The following CSMD1 variants were observed in gnomAD, a reference collection of about 807,000 sequenced individuals.
CSMD1 encodes CUB and Sushi multiple domains 1, also known as CUB and sushi domain-containing protein 1.
CSMD1 carries 213 observed loss-of-function variants against 417.5 expected under a neutral mutation model. The observed-to-expected ratio is 0.51, with a 90% CI of 0.46 to 0.57. The LOEUF is 0.57. Ranked by LOEUF, CSMD1 falls within the 20% of genes least tolerant of loss-of-function variation. CSMD1 has a pLI of 0.00. For synonymous variants in CSMD1, 2,862 were observed against 1,736.8 expected, an observed-to-expected ratio of 1.65 and a Z score of -16.11; for missense variants, 6,923 against 4,529.7, an observed-to-expected ratio of 1.53 and a Z score of -15.17.
intron 8 of CSMD1, among the ~76,000 whole-genome samples, chr8:3,598,625 A>T (rs1273526858): frequency 6.6e-6 from 1 of 152,106 alleles, no homozygotes; most frequent in Non-Finnish European, 1.5e-5. Flanking sequence ...AGAGCTCAGT[A>T]CAGTTCCTGA....
At chr8:3,850,894 G>T (rs1803860087) in intron 5 of CSMD1, among the ~76,000 whole-genome samples, 1 of 152,012 alleles carries the variant, frequency 6.6e-6, no homozygotes, top group African/African-American at 2.4e-5. Flanking sequence ...ATTATCACAG[G>T]AAACAGAGTT....
chr8:4,350,128 A>T (rs1318577036), intron 3 of CSMD1, among the ~76,000 whole-genome samples: 1 of 152,084 alleles, frequency 6.6e-6, no homozygotes, highest in Non-Finnish European at 1.5e-5. Context: ...TTCATCCCAA[A>T]CTTCAGTCCA....
At chr8:2,998,489 G>A (rs770441442) in intron 53 of CSMD1, among the ~76,000 whole-genome samples, 21 of 152,038 alleles carry the variant, frequency 1.4e-4, no homozygotes, top group Non-Finnish European at 8.8e-5. Flanking sequence ...ATTTAAAAAC[G>A]AAGCAGTGAA....
chr8:3,889,658 C>T (rs961468673), intron 5 of CSMD1, among the ~76,000 whole-genome samples: 2 of 151,072 alleles, frequency 1.3e-5, no homozygotes, highest in East Asian at 2.0e-4. Context: ...GAAGTTGGTC[C>T]TATCTACTGT....
chr8:3,245,294 C>T (rs947949577), intron 26 of CSMD1, among the ~76,000 whole-genome samples: 3 of 152,156 alleles, frequency 2.0e-5, no homozygotes, highest in African/African-American at 7.2e-5. Context: ...ACCTCCAGTT[C>T]CTTCCGGTAC....
chr8:4,938,685 G>A (rs1300051441), intron 1 of CSMD1, among the ~76,000 whole-genome samples: 1 of 152,124 alleles, frequency 6.6e-6, no homozygotes, highest in Non-Finnish European at 1.5e-5. Context: ...ATGATAATGG[G>A]GTGGAAAGAA....
chr8:4,766,918 C>G (rs934733363), intron 1 of CSMD1, among the ~76,000 whole-genome samples: 23 of 152,022 alleles, frequency 1.5e-4, no homozygotes, highest in African/African-American at 5.3e-4. Flanking sequence ...AGATTAGGCC[C>G]TATTAAAAAT....
At chr8:4,732,034 T>C (rs1022507537) in intron 1 of CSMD1, among the ~76,000 whole-genome samples, 3 of 152,124 alleles carry the variant, frequency 2.0e-5, no homozygotes, top group African/African-American at 7.2e-5. Flanking sequence ...GTTGACTGCA[T>C]GCCTCCCCCA....
At chr8:4,425,258 G>A (rs78228190) in intron 2 of CSMD1, among the ~76,000 whole-genome samples, 13,148 of 151,810 alleles carry the variant, frequency 0.087, 794 homozygotes, top group Non-Finnish European at 0.12. Context: ...TAAAACGAGT[G>A]TCATAAGACT....
chr8:2,973,090 T>A, intron 57 of CSMD1, 27 bp downstream of exon 57: 1 of 1,602,030 alleles, frequency 6.2e-7, no homozygotes. Context: ...ACTTTCAAGG[T>A]GGACCTTAAG....
intron 10 of CSMD1, among the ~76,000 whole-genome samples, chr8:3,528,164 G>T (rs781201238): frequency 7.9e-5 from 12 of 152,192 alleles, no homozygotes; most frequent in Non-Finnish European, 1.5e-4. Flanking sequence ...ATTTTGCATG[G>T]TTAACTCCCC....
chr8:4,062,022 G>A lies in CSMD1; in HGVS notation c.416-29923C>T, dbSNP rs1046614532. ...AGAGGTCAAGGTGTAGTGGGGAGGA[G>A]AGCACGCAGGTGGTGAAAATGCAGA... On this transcript the variant is annotated intron_variant, in intron 3 of 69. Transcript: ENST00000635120. Among the ~76,000 whole-genome samples the A allele has an allele frequency of 6.6e-5, 10 of 152,264 alleles. No individual in the cohort carries two copies. In the South Asian group the frequency reaches 1.7e-3, roughly 25 times the overall value.
chr8:4,441,317 C>A (rs1374493334), intron 2 of CSMD1, among the ~76,000 whole-genome samples: 1 of 145,322 alleles, frequency 6.9e-6, no homozygotes, highest in Non-Finnish European at 1.5e-5. Flanking sequence ...CTCACTCTGC[C>A]CCCTAGGCTA....
chr8:4,386,684 G>C (rs191438092), intron 3 of CSMD1, among the ~76,000 whole-genome samples: 12 of 152,222 alleles, frequency 7.9e-5, no homozygotes, highest in Non-Finnish European at 1.5e-4. Context: ...AGCCCTTGCA[G>C]AATGTATTGC....
At chr8:4,121,385 G>A (rs1263428655) in intron 3 of CSMD1, among the ~76,000 whole-genome samples, 2 of 152,132 alleles carry the variant, frequency 1.3e-5, no homozygotes, top group African/African-American at 2.4e-5. Context: ...AAAGGGCTGG[G>A]ATTACAGGCA....
chr8:4,938,504 T>C (rs1007749055), intron 1 of CSMD1, among the ~76,000 whole-genome samples: 9 of 152,194 alleles, frequency 5.9e-5, no homozygotes, highest in Admixed American at 5.9e-4. Context: ...ATCGATGGTA[T>C]AGACACCTGG....
At chr8:4,064,396 T>C (rs941459614) in intron 3 of CSMD1, among the ~76,000 whole-genome samples, 10 of 152,202 alleles carry the variant, frequency 6.6e-5, no homozygotes, top group Non-Finnish European at 1.5e-4. Context: ...TCTCCCTCAA[T>C]GTTGAGAAGG....
chr8:4,658,068 G>C (rs1804356208), intron 1 of CSMD1, among the ~76,000 whole-genome samples: 1 of 151,800 alleles, frequency 6.6e-6, no homozygotes, highest in East Asian at 1.9e-4. Context: ...AAGGGAAAAA[G>C]AAGGGAAAAA....
chr8:4,171,440 G>T (rs1329148331), intron 3 of CSMD1, among the ~76,000 whole-genome samples: 1 of 151,656 alleles, frequency 6.6e-6, no homozygotes, highest in Non-Finnish European at 1.5e-5. Context: ...ATCAATTTAT[G>T]CATGACTTAT....
Sources: allele counts gnomAD v4.1 joint callset (sites outside exome capture counted in the v4.1 genomes callset), GRCh38; gene constraint gnomAD v4.1.1; transcripts MANE v1.5; gene names NCBI Gene and HGNC (gene_info 2026-07-23, HGNC 2026-07-21).